The following DPY19L2 variants were observed in gnomAD, a reference collection of about 807,000 sequenced individuals.
The protein encoded by DPY19L2 is dpy-19 like 2.
Under a neutral mutation model 97.9 loss-of-function variants are expected in DPY19L2, and 34 were observed. That is an observed-to-expected ratio of 0.35 (90% CI 0.26 to 0.46). The LOEUF (loss-of-function observed/expected upper bound fraction) is 0.46, where lower values mean the gene tolerates loss of function less well. Ranked by LOEUF, DPY19L2 falls within the 20% of genes least tolerant of loss-of-function variation. DPY19L2 has a pLI of 1.00. For missense variants in DPY19L2, 623 were observed against 911.4 expected, an observed-to-expected ratio of 0.68 and a Z score of 4.07; for synonymous variants, 230 against 307.9, an observed-to-expected ratio of 0.75 and a Z score of 2.65.
At chr12:63,628,213 G>C (rs1431433373) in intron 6 of DPY19L2, among the ~76,000 whole-genome samples, 1 of 152,186 alleles carries the variant, frequency 6.6e-6, no homozygotes, top group African/African-American at 2.4e-5. Flanking sequence ...TTGTCAGAAA[G>C]TGGGTGCAGG....
intron 5 of DPY19L2, among the ~76,000 whole-genome samples, chr12:63,646,288 C>T (rs1213687191): frequency 6.6e-6 from 1 of 152,110 alleles, no homozygotes; most frequent in Non-Finnish European, 1.5e-5. Flanking sequence ...TGATCATTTT[C>T]ACCACTCAGA....
At chr12:63,593,413 G>A (rs1011451726) in intron 16 of DPY19L2, among the ~76,000 whole-genome samples, 2 of 152,058 alleles carry the variant, frequency 1.3e-5, no homozygotes, top group Admixed American at 6.5e-5. Flanking sequence ...ATGATAGACT[G>A]GATTAAGAAA....
intron 16 of DPY19L2, among the ~76,000 whole-genome samples, chr12:63,593,880 A>AAT (rs1193188763): frequency 3.3e-5 from 5 of 152,100 alleles, no homozygotes; most frequent in Non-Finnish European, 5.9e-5. Flanking sequence ...TTGGTTCACA[A>AAT]ATATATATAT....
At chr12:63,660,041 T>C (rs1895472069) in intron 4 of DPY19L2, among the ~76,000 whole-genome samples, 2 of 152,128 alleles carry the variant, frequency 1.3e-5, no homozygotes, top group African/African-American at 4.8e-5. Flanking sequence ...GGTCTGACAA[T>C]TCAAAATCTA....
intron 18 of DPY19L2, among the ~76,000 whole-genome samples, chr12:63,581,479 CT>C (rs71086686): frequency 0.076 from 6,995 of 91,520 alleles, 175 homozygotes; most frequent in Middle Eastern, 0.16. Flanking sequence ...CCAGGAAACT[CT>C]TTTTTTTTTT....
At chr12:63,642,556 A>G in intron 6 of DPY19L2, among the ~76,000 whole-genome samples, 1 of 152,070 alleles carries the variant, frequency 6.6e-6, no homozygotes, top group Non-Finnish European at 1.5e-5. Context: ...TATTTATTAA[A>G]ATGCCTGTCC....
chr12:63,624,215 T>A, intron 7 of DPY19L2, 84 bp from the exon 8 acceptor site: 2 of 980,506 alleles, frequency 2.0e-6, no homozygotes, highest in Admixed American at 2.0e-5. Flanking sequence ...GTTTTAGTAA[T>A]TTTAATACTA....
intron 12 of DPY19L2, among the ~76,000 whole-genome samples, chr12:63,605,707 G>A (rs1885922534): frequency 6.6e-6 from 1 of 152,144 alleles, no homozygotes; most frequent in South Asian, 2.1e-4. Context: ...GAAAAGCCTG[G>A]AGCATTATAA....
intron 11 of DPY19L2, among the ~76,000 whole-genome samples, chr12:63,614,613 G>A (rs1592576873): frequency 6.6e-6 from 1 of 152,176 alleles, no homozygotes; most frequent in Non-Finnish European, 1.5e-5. Flanking sequence ...GAAGGCAAAT[G>A]GATATATGAT....
intron 6 of DPY19L2, among the ~76,000 whole-genome samples, chr12:63,632,847 G>A (rs1890951568): frequency 6.6e-6 from 1 of 152,064 alleles, no homozygotes; most frequent in Non-Finnish European, 1.5e-5. Flanking sequence ...AAACAGCATG[G>A]TACTGGTACC....
chr12:63,651,766 T>C, intron 4 of DPY19L2: 1 of 339,968 alleles, frequency 2.9e-6, no homozygotes, highest in South Asian at 3.0e-5. Flanking sequence ...AATAAAGAGC[T>C]GGCTGCCTTT....
At chr12:63,661,800 C>A (rs1266752300) in intron 3 of DPY19L2, among the ~76,000 whole-genome samples, 1 of 152,004 alleles carries the variant, frequency 6.6e-6, no homozygotes, top group Non-Finnish European at 1.5e-5. Flanking sequence ...TGGTTTTATC[C>A]CCCACATTTG....
chr12:63,567,122 T>G (rs976106733), intron 21 of DPY19L2, among the ~76,000 whole-genome samples: 1 of 152,070 alleles, frequency 6.6e-6, no homozygotes, highest in Admixed American at 6.5e-5. Context: ...TCTGTAGTTT[T>G]GTATCTCTTA....
chr12:63,628,895 A>G lies in DPY19L2; in HGVS notation c.804-2369T>C, dbSNP rs555714828. Among the ~76,000 whole-genome samples, 451 of 151,190 alleles carry G rather than the reference A, an allele frequency of 3.0e-3. 4 individuals are homozygous for G. Among genetic ancestry groups the G allele is most frequent in the African/African-American group, 0.01 (427 of 41,008 alleles). On this transcript the variant is annotated intron_variant, in intron 6 of 21. Coordinates refer to ENST00000324472, the MANE Select transcript of DPY19L2 (RefSeq NM_173812.5). ...TCCAGAGGAATGATCAGGCAGCAAC[A>G]TTTGCTGTTCACCAATATCCACTGC...
At chr12:63,571,939 A>G (rs1400036767) in intron 19 of DPY19L2, among the ~76,000 whole-genome samples, 3 of 152,152 alleles carry the variant, frequency 2.0e-5, no homozygotes, top group Admixed American at 2.0e-4. Flanking sequence ...GATCTACTAT[A>G]AAAAACTACA....
intron 4 of DPY19L2, among the ~76,000 whole-genome samples, chr12:63,648,457 G>A (rs1350114424): frequency 3.3e-5 from 5 of 150,626 alleles, no homozygotes; most frequent in East Asian, 3.9e-4. Flanking sequence ...ACAGAGTCTC[G>A]CTCTTTTCAC....
chr12:63,569,023 C>T lies in DPY19L2; in HGVS notation c.2126+201G>A, dbSNP rs1301244579. ...TTGAAAAATCAGGATATTAAATATA[C>T]TATAATGTTTGGAATTAAATTCTAC... On this transcript the variant is annotated intron_variant, in intron 21 of 21. Coordinates refer to ENST00000324472, the MANE Select transcript of DPY19L2 (RefSeq NM_173812.5). 5.3e-5 allele frequency among the ~76,000 whole-genome samples: 8 copies of T among 151,870 alleles called. No homozygotes were observed. The East Asian group carries it at 1.4e-3, about 26-fold the overall frequency.
chr12:63,627,460 T>A lies in DPY19L2; in HGVS notation c.804-934A>T, dbSNP rs191537673. ...TGCCTCCCTGGTTCAAGCCGATTCTTCTGCCTCAGCCTCCCGAGTAGCTGG... is the reference window on the plus strand; with the variant it reads ...TGCCTCCCTGGTTCAAGCCGATTCTACTGCCTCAGCCTCCCGAGTAGCTGG... On this transcript the variant is annotated intron_variant, in intron 6 of 21. Coordinates refer to ENST00000324472, the MANE Select transcript of DPY19L2 (RefSeq NM_173812.5). 8.5e-3 allele frequency among the ~76,000 whole-genome samples: 1,297 copies of A among 152,076 alleles called. 10 individuals are homozygous for A. The highest frequency in any genetic ancestry group is 0.014 in the Non-Finnish European group (981 of 67,972).
chr12:63,571,301 G>A (rs1325629282), intron 19 of DPY19L2, among the ~76,000 whole-genome samples: 5 of 152,098 alleles, frequency 3.3e-5, no homozygotes, highest in Non-Finnish European at 7.4e-5. Context: ...CAAAAAGGTT[G>A]CAGACTGCTG....
Sources: allele counts gnomAD v4.1 joint callset (sites outside exome capture counted in the v4.1 genomes callset), GRCh38; gene constraint gnomAD v4.1.1; transcripts MANE v1.5; gene names NCBI Gene and HGNC (gene_info 2026-07-23, HGNC 2026-07-21).